Variants in TANC2 observed in about 807,000 individuals in gnomAD.
TANC2 encodes tetratricopeptide repeat, ankyrin repeat and coiled-coil containing 2.
Under a neutral mutation model 210.5 loss-of-function variants are expected in TANC2, and 26 were observed. The ratio of observed to expected loss-of-function variants is 0.12; its 90% CI spans 0.09 to 0.17. TANC2 has a LOEUF of 0.17. Ranked by LOEUF, TANC2 falls within the 10% of genes least tolerant of loss-of-function variation. The probability of loss-of-function intolerance (pLI) is 1.00; values close to 1 mark genes in which losing one functional copy is unlikely to be tolerated. For missense variants in TANC2, 2,129 were observed against 2,608.9 expected, an observed-to-expected ratio of 0.82 and a Z score of 4.01; for synonymous variants, 931 against 967.1, an observed-to-expected ratio of 0.96 and a Z score of 0.69.
chr17:63,361,932 G>A (rs2046969781), intron 14 of TANC2, among the ~76,000 whole-genome samples: 2 of 152,214 alleles, frequency 1.3e-5, no homozygotes, highest in South Asian at 2.1e-4. Context: ...CCTGGATTGA[G>A]TAGCTCCTAT....
At chr17:63,400,841 TGG>T (rs1190156833) in intron 19 of TANC2, among the ~76,000 whole-genome samples, 5 of 151,374 alleles carry the variant, frequency 3.3e-5, no homozygotes, top group African/African-American at 1.2e-4. Flanking sequence ...TTAGTAAAGA[TGG>T]GGTTTCACCA....
intron 1 of TANC2, chr17:63,004,805 C>A: frequency 2.9e-6 from 1 of 349,560 alleles, no homozygotes; most frequent in East Asian, 7.9e-5. Context: ...CTTTGGGTAC[C>A]TTCTTTCCTT....
intron 1 of TANC2, among the ~76,000 whole-genome samples, chr17:62,969,553 A>T (rs1184368951): frequency 6.6e-6 from 1 of 152,178 alleles, no homozygotes; most frequent in Admixed American, 6.5e-5. Context: ...TCTCTTTAGG[A>T]ATTTGTTTTT....
At chr17:63,262,916 GA>G (rs1401956801) in intron 8 of TANC2, among the ~76,000 whole-genome samples, 10 of 152,120 alleles carry the variant, frequency 6.6e-5, no homozygotes, top group African/African-American at 2.2e-4. Context: ...CTGAGATAAA[GA>G]TTTTTTTTAA....
chr17:63,175,108 C>T (rs972683192), intron 5 of TANC2, among the ~76,000 whole-genome samples: 7 of 152,036 alleles, frequency 4.6e-5, no homozygotes, highest in East Asian at 3.9e-4. Flanking sequence ...CAAACTAATA[C>T]GAACATGCAA....
At chr17:63,127,850 C>G (rs903038092) in intron 4 of TANC2, among the ~76,000 whole-genome samples, 1 of 152,196 alleles carries the variant, frequency 6.6e-6, no homozygotes, top group African/African-American at 2.4e-5. Flanking sequence ...GATTTCTTAA[C>G]TGACCTTCCC....
At chr17:62,981,851 G>C (rs2032318348) in intron 1 of TANC2, among the ~76,000 whole-genome samples, 1 of 152,162 alleles carries the variant, frequency 6.6e-6, no homozygotes, top group Admixed American at 6.5e-5. Context: ...GTGTCATAAA[G>C]GATACAAATC....
intron 3 of TANC2, among the ~76,000 whole-genome samples, chr17:63,095,589 G>A (rs1047147548): frequency 6.6e-6 from 1 of 152,008 alleles, no homozygotes; most frequent in African/African-American, 2.4e-5. Flanking sequence ...GCCCAATATT[G>A]AAGACACATA....
At chr17:63,098,254 C>T (rs990206194) in intron 3 of TANC2, among the ~76,000 whole-genome samples, 1 of 151,966 alleles carries the variant, frequency 6.6e-6, no homozygotes, top group African/African-American at 2.4e-5. Flanking sequence ...TAGGCACTGT[C>T]AATGCAAAAC....
chr17:63,255,191 A>G (rs1352176643), intron 8 of TANC2, among the ~76,000 whole-genome samples: 3 of 151,426 alleles, frequency 2.0e-5, no homozygotes, highest in Non-Finnish European at 2.9e-5. Context: ...TGCAAGCTCC[A>G]CCTCCCGGGT....
At chr17:63,188,343 C>T (rs1173001759) in intron 5 of TANC2, among the ~76,000 whole-genome samples, 1 of 151,640 alleles carries the variant, frequency 6.6e-6, no homozygotes, top group Non-Finnish European at 1.5e-5. Context: ...GGCGTAGTCC[C>T]AGCACTTTGA....
chr17:63,224,431 T>A (rs1374340046), intron 7 of TANC2, among the ~76,000 whole-genome samples: 1 of 152,182 alleles, frequency 6.6e-6, no homozygotes. Flanking sequence ...TTTGCATTTT[T>A]AGGAGAGACG....
At chr17:63,182,480 C>A in intron 5 of TANC2, 2 of 269,426 alleles carry the variant, frequency 7.4e-6, no homozygotes, top group Admixed American at 3.7e-5. Context: ...CCTTCAGGGA[C>A]ATTTTTGGTG....
At chr17:63,124,028 A>G (rs2038607427) in intron 4 of TANC2, among the ~76,000 whole-genome samples, 1 of 152,130 alleles carries the variant, frequency 6.6e-6, no homozygotes, top group African/African-American at 2.4e-5. Context: ...TGCGAATTGA[A>G]CAAATAGAAA....
At chr17:63,300,705 T>C (rs1351787209) in intron 9 of TANC2, among the ~76,000 whole-genome samples, 1 of 152,200 alleles carries the variant, frequency 6.6e-6, no homozygotes, top group Non-Finnish European at 1.5e-5. Flanking sequence ...TTTCTAAATA[T>C]AGAATCACGT....
chr17:63,135,860 A>G (rs1346433609), intron 4 of TANC2, among the ~76,000 whole-genome samples: 3 of 152,346 alleles, frequency 2.0e-5, no homozygotes, highest in Admixed American at 6.5e-5. Flanking sequence ...CTCTTTAGAT[A>G]TACGGAAATG....
chr17:63,316,466 A>T (rs1253687985), intron 10 of TANC2, among the ~76,000 whole-genome samples: 1 of 152,166 alleles, frequency 6.6e-6, no homozygotes, highest in Non-Finnish European at 1.5e-5. Flanking sequence ...TTTATAGAAA[A>T]CAGCCCATGT....
chr17:63,175,531 G>GC (rs1357268524), intron 5 of TANC2, among the ~76,000 whole-genome samples: 16 of 119,010 alleles, frequency 1.3e-4, no homozygotes, highest in Non-Finnish European at 2.3e-4. Flanking sequence ...TGTCTCCCCC[G>GC]CCAAAAAAAA....
rs569677262 is a variant in TANC2, at chr17:63,080,061, A to G, written c.139+6047A>G. Among the ~76,000 whole-genome samples the G allele has an allele frequency of 2.6e-5, 4 of 152,198 alleles. No individual in the cohort carries two copies. The East Asian group carries it at 5.8e-4, about 22-fold the overall frequency. On this transcript the variant is annotated intron_variant, in intron 3 of 27. Transcript: ENST00000689528. The stretch of plus-strand genomic sequence containing the variant: ...ATATAATTGCACTATATTACTTACT[A>G]TATTTTGTCTTATTTGTCTATTGGG...
Sources: allele counts gnomAD v4.1 joint callset (sites outside exome capture counted in the v4.1 genomes callset), GRCh38; gene constraint gnomAD v4.1.1; transcripts MANE v1.5; gene names NCBI Gene and HGNC (gene_info 2026-07-23, HGNC 2026-07-21).